TRIP10: variants seen among roughly 807,000 people sequenced by gnomAD.
TRIP10 encodes thyroid hormone receptor interactor 10.
A neutral mutation model predicts 80.9 loss-of-function variants in TRIP10; 54 were observed. That is an observed-to-expected ratio of 0.67 (90% CI 0.54 to 0.84). The LOEUF is 0.84. Ranked by LOEUF, TRIP10 falls within the 40% of genes least tolerant of loss-of-function variation. The pLI is 0.00. For missense variants in TRIP10, 773 were observed against 815.3 expected (o/e 0.95, Z 0.63); for synonymous variants, 321 against 307.2 (o/e 1.04, Z -0.47).
Position 6,739,750 on chromosome 19 carries a change from G to T in TRIP10, c.-12G>T, listed in dbSNP as rs993271038. The T allele has an allele frequency of 7.1e-7, 1 of 1,400,476 alleles. No homozygotes were observed. The highest frequency in any genetic ancestry group is 9.3e-7 in the Non-Finnish European group (1 of 1,070,264). The allele number at this position is 1,400,476 out of a possible 1,614,324, so 86.8% of individuals were successfully genotyped here. A position where few individuals can be genotyped will look rare whatever the true frequency, so the allele number is the denominator to read the frequency against. Reference sequence around the variant, plus strand: ...GTGCGGTGGTGGCTGCGGCGGCGGCGGCGGGAGCAGCATGGATTGGGGCAC... The same window carrying T: ...GTGCGGTGGTGGCTGCGGCGGCGGCTGCGGGAGCAGCATGGATTGGGGCAC... On this transcript the variant is annotated 5_prime_UTR_variant, in exon 1 of 15. Coordinates refer to ENST00000313244, the MANE Select transcript of TRIP10 (RefSeq NM_001288962.2).
Position 6,746,290 on chromosome 19 carries a change from G to A in TRIP10, c.1152+94G>A, listed in dbSNP as rs976875574. On this transcript the variant is annotated intron_variant, in intron 10 of 14. Transcript: ENST00000313244. The surrounding 1 kb of genome is among the most constrained non-coding windows in gnomAD (Gnocchi z 6.2). ...GGGCTCGCTTCCTGCCGCTGGCTGG[G>A]CCCCTCTTCCCTGGTTGCCCAACCC... 16 of 1,485,532 alleles carry A rather than the reference G, an allele frequency of 1.1e-5. No homozygotes were observed. Among genetic ancestry groups the A allele is most frequent in the South Asian group, 1.3e-5 (1 of 74,192 alleles). The allele number at this position is 1,485,532 out of a possible 1,614,324, so 92.0% of individuals were successfully genotyped here.
At position 6,751,431 on chromosome 19, in the gene TRIP10, C is replaced by A; in HGVS notation, c.*220C>A. ...CATTGATGTACATACTCATGTTTTA[C>A]ATCTTTTCTTTCTGCCGCTCGGCTC... On this transcript the variant is annotated 3_prime_UTR_variant, in exon 15 of 15. Coordinates refer to ENST00000313244, the MANE Select transcript of TRIP10 (RefSeq NM_001288962.2). The A allele has an allele frequency of 8.8e-7, 1 of 1,140,308 alleles. No individual in the cohort carries two copies. The highest frequency in any genetic ancestry group is 1.1e-6 in the Non-Finnish European group (1 of 882,982). 70.6% of individuals were successfully genotyped at this position (1,140,308 alleles called of 1,614,324 possible). A position where few individuals can be genotyped will look rare whatever the true frequency, so the allele number is the denominator to read the frequency against.
rs758513208 is a variant in TRIP10 at position 6,751,309 on chromosome 19, C to T, written c.*98C>T. 8.3e-5 allele frequency: 131 copies of T among 1,582,892 alleles called. No individual in the cohort carries two copies. The highest frequency in any genetic ancestry group is 7.0e-5 in the Non-Finnish European group (81 of 1,161,788). Reference sequence around the variant, plus strand: ...CACTTTATTTCTGACCCCGTGGCTTCGGCTGAGACCTGTGTAACCTGCTGC... The same window carrying T: ...CACTTTATTTCTGACCCCGTGGCTTTGGCTGAGACCTGTGTAACCTGCTGC... On this transcript the variant is annotated 3_prime_UTR_variant, in exon 15 of 15. Coordinates refer to ENST00000313244, the MANE Select transcript of TRIP10 (RefSeq NM_001288962.2).
chr19:6,748,500 C>T (rs148859003), intron 11 of TRIP10: 1 of 152,104 alleles, frequency 6.6e-6, no homozygotes, highest in Non-Finnish European at 1.5e-5. Context: ...GGTATTAGAA[C>T]TGGAATGAAG....
chr19:6,750,714 G>A, intron 14 of TRIP10, 81 bp downstream of exon 14: 1 of 1,566,922 alleles, frequency 6.4e-7, no homozygotes, highest in Non-Finnish European at 8.7e-7. Flanking sequence ...GCCTAAAGCA[G>A]GGCTGGGCGG....
Position 6,751,160 on chromosome 19 carries a change from G to A in TRIP10, c.1755G>A (p.Glu585=), listed in dbSNP as rs1399160058. ...GCTGGACCCGGGTCAGGCGGAAAGA[G>A]GGAGGCGAGGGCTACGTGCCCACCT... is the stretch of plus-strand genomic sequence containing the variant. The part of the protein sequence containing the change: ...GDGWTRVRRK[E]GGEGYVPTSY... Residue 585 remains glutamate (E), a synonymous_variant, in exon 15 of 15, where the codon GAG becomes GAA. Transcript: ENST00000313244. 6.2e-7 allele frequency: 1 copy of A among 1,613,748 alleles called. No individual in the cohort carries two copies. Among genetic ancestry groups the A allele is most frequent in the South Asian group, 1.1e-5 (1 of 91,046 alleles).
In TRIP10 at chr19:6,745,637, T is replaced by C; in HGVS notation, c.985-392T>C. The C allele has an allele frequency of 1.0e-6, 1 of 985,298 alleles. No homozygotes were observed. Among genetic ancestry groups the C allele is most frequent in the Non-Finnish European group, 1.2e-6 (1 of 829,912 alleles). 61.0% of individuals were successfully genotyped at this position (985,298 alleles called of 1,614,324 possible). A position where few individuals can be genotyped will look rare whatever the true frequency, so the allele number is the denominator to read the frequency against. ...TGATTCCTGCATGCGTCTTCTAGAC[T>C]GTCAGCCCAGAAAGCTAAGTGGACA... On this transcript the variant is annotated intron_variant, in intron 9 of 14. Coordinates refer to ENST00000313244, the MANE Select transcript of TRIP10 (RefSeq NM_001288962.2). The surrounding 1 kb of genome is among the most constrained non-coding windows in gnomAD (Gnocchi z 7.2).
In TRIP10 at chr19:6,746,154, A is replaced by G. The variant is rs1428410246; in HGVS notation, c.1110A>G (p.Lys370=). ...TGAGCGAGATCAGTAAGTCGGTCAA[A>G]CCGAGGCTAGCATCCTTCCGCAGCC... The part of the protein sequence containing the change: ...AILSEISKSV[K]PRLASFRSLR... The change falls in exon 10 of 15, where the codon AAA becomes AAG. Residue 370 remains lysine, a synonymous_variant. Coordinates refer to ENST00000313244, the MANE Select transcript of TRIP10 (RefSeq NM_001288962.2). The surrounding 1 kb of genome is among the most constrained non-coding windows in gnomAD (Gnocchi z 6.2). 1.3e-6 allele frequency: 2 copies of G among 1,547,022 alleles called. No homozygotes were observed. The highest frequency in any genetic ancestry group is 2.5e-5 in the East Asian group (1 of 40,774).
rs775982848 is a variant in TRIP10, at chr19:6,751,346, C to A, written c.*135C>A. The A allele has an allele frequency of 1.3e-6, 2 of 1,488,292 alleles. No homozygotes were observed. The highest frequency in any genetic ancestry group is 2.5e-5 in the East Asian group (1 of 40,096). The allele number at this position is 1,488,292 out of a possible 1,614,324, so 92.2% of individuals were successfully genotyped here. A position where few individuals can be genotyped will look rare whatever the true frequency, so the allele number is the denominator to read the frequency against. ...GTGTAACCTGCTGCCCCCTCCACCC[C>A]CAACCCAGTCCTACCTGTCACACCG... On this transcript the variant is annotated 3_prime_UTR_variant, in exon 15 of 15. Coordinates refer to ENST00000313244, the MANE Select transcript of TRIP10 (RefSeq NM_001288962.2).
In TRIP10 at chr19:6,745,742, G is replaced by A. The variant is rs1336334297; in HGVS notation, c.985-287G>A. 36 of 985,036 alleles carry A rather than the reference G, an allele frequency of 3.7e-5. No homozygotes were observed. Among genetic ancestry groups the A allele is most frequent in the Non-Finnish European group, 4.1e-5 (34 of 829,906 alleles). 61.0% of individuals were successfully genotyped at this position (985,036 alleles called of 1,614,324 possible). On this transcript the variant is annotated intron_variant, in intron 9 of 14. Coordinates refer to ENST00000313244, the MANE Select transcript of TRIP10 (RefSeq NM_001288962.2). The surrounding 1 kb of genome is among the most constrained non-coding windows in gnomAD (Gnocchi z 7.2). Reference sequence around the variant, plus strand: ...TTCCAGAGACCTAGGAGATACCGGGGGAGTGAGAGTTCTGGCTTTCGGGCT... The same window carrying A: ...TTCCAGAGACCTAGGAGATACCGGGAGAGTGAGAGTTCTGGCTTTCGGGCT...
chr19:6,747,827 G>A (rs540274119), intron 11 of TRIP10, among the ~76,000 whole-genome samples: 12 of 151,530 alleles, frequency 7.9e-5, no homozygotes, highest in Admixed American at 3.9e-4. Flanking sequence ...TACATTAGCC[G>A]AGCACAGTGG....
At position 6,746,383 on chromosome 19, in the gene TRIP10, T is replaced by TCAGACGGGTG. The variant is rs1259125907; in HGVS notation, c.1153-64_1153-55dup. On this transcript the variant is annotated intron_variant, in intron 10 of 14. Transcript: ENST00000313244. The surrounding 1 kb of genome is among the most constrained non-coding windows in gnomAD (Gnocchi z 6.2). ...TGGCTGGGGAAGGGAGTGAAATATC[T>TCAGACGGGTG]CAGACGGGTGCAGAGTCTGGCAGGC... 6.3e-7 allele frequency: 1 copy of TCAGACGGGTG among 1,585,918 alleles called. No homozygotes were observed. The highest frequency in any genetic ancestry group is 8.6e-7 in the Non-Finnish European group (1 of 1,159,690).
At position 6,744,563 on chromosome 19, in the gene TRIP10, G is replaced by T; in HGVS notation, c.652G>T (p.Asp218Tyr). The T allele has an allele frequency of 1.2e-6, 2 of 1,614,120 alleles. No individual in the cohort carries two copies. The highest frequency in any genetic ancestry group is 1.1e-5 in the South Asian group (1 of 91,080). Residue 218 changes from aspartate to tyrosine, a missense_variant, in exon 8 of 15, where the codon GAC (aspartate) becomes TAC (tyrosine). By Grantham distance (160) the Asp-to-Tyr change is radical. Coordinates refer to ENST00000313244, the MANE Select transcript of TRIP10 (RefSeq NM_001288962.2). The surrounding 1 kb of genome is among the most constrained non-coding windows in gnomAD (Gnocchi z 4.9). Reference sequence around the variant, plus strand: ...GTCCCTGTCCTTACAGAAGCTCCAAGACATGGATGAACGCAGGGCCACCCG... The same window carrying T: ...GTCCCTGTCCTTACAGAAGCTCCAATACATGGATGAACGCAGGGCCACCCG... ...QMPQIFDKLQ[D>Y]MDERRATRLG...
chr19:6,745,112 C>G lies in TRIP10; in HGVS notation c.984+118C>G. The G allele has an allele frequency of 1.5e-6, 2 of 1,354,020 alleles. No individual in the cohort carries two copies. Among genetic ancestry groups the G allele is most frequent in the Non-Finnish European group, 2.0e-6 (2 of 1,024,346 alleles). The allele number at this position is 1,354,020 out of a possible 1,614,324, so 83.9% of individuals were successfully genotyped here. ...CCGAGTCTCGGGCAGGAATTTTCCT[C>G]TTGGCTGCCAGCCCGGACTGGAGGG... is the stretch of plus-strand genomic sequence containing the variant. On this transcript the variant is annotated intron_variant, in intron 9 of 14. Transcript: ENST00000313244. The surrounding 1 kb of genome is among the most constrained non-coding windows in gnomAD (Gnocchi z 7.2).
At position 6,746,299 on chromosome 19, in the gene TRIP10, C is replaced by G; in HGVS notation, c.1152+103C>G. On this transcript the variant is annotated intron_variant, in intron 10 of 14. Transcript: ENST00000313244. This position sits in a 1 kb window ranked among gnomAD's most constrained non-coding sequence, Gnocchi z 6.2. ...TCCTGCCGCTGGCTGGGCCCCTCTT[C>G]CCTGGTTGCCCAACCCAGACCTGCT... 1.3e-6 allele frequency: 2 copies of G among 1,490,084 alleles called. No individual in the cohort carries two copies. The highest frequency in any genetic ancestry group is 2.7e-5 in the South Asian group (2 of 74,926). The allele number at this position is 1,490,084 out of a possible 1,614,324, so 92.3% of individuals were successfully genotyped here. A position where few individuals can be genotyped will look rare whatever the true frequency, so the allele number is the denominator to read the frequency against.
rs549502761 is a variant in TRIP10 at position 6,745,747 on chromosome 19, G to C, written c.985-282G>C. The stretch of plus-strand genomic sequence containing the variant: ...GAGACCTAGGAGATACCGGGGGAGT[G>C]AGAGTTCTGGCTTTCGGGCTTACAG... On this transcript the variant is annotated intron_variant, in intron 9 of 14. Transcript: ENST00000313244. This position sits in a 1 kb window ranked among gnomAD's most constrained non-coding sequence, Gnocchi z 7.2. 7 of 985,184 alleles carry C rather than the reference G, an allele frequency of 7.1e-6. No homozygotes were observed. The Admixed American group carries it at 3.7e-4, about 52-fold the overall frequency. The allele number at this position is 985,184 out of a possible 1,614,324, so 61.0% of individuals were successfully genotyped here. A position where few individuals can be genotyped will look rare whatever the true frequency, so the allele number is the denominator to read the frequency against.
Position 6,744,464 on chromosome 19 carries a change from G to C in TRIP10, c.643-90G>C. 1 of 1,564,944 alleles carries C rather than the reference G, an allele frequency of 6.4e-7. No homozygotes were observed. The highest frequency in any genetic ancestry group is 1.2e-5 in the South Asian group (1 of 86,532). On this transcript the variant is annotated intron_variant, in intron 7 of 14. Transcript: ENST00000313244. This position sits in a 1 kb window ranked among gnomAD's most constrained non-coding sequence, Gnocchi z 4.9. The stretch of plus-strand genomic sequence containing the variant: ...AGACTGGCTTGGGGCTGGGGCCAGC[G>C]TGGAGCGCGATCATATTTGCAGAGT...
Position 6,740,848 on chromosome 19 carries a change from T to C in TRIP10, c.25-162T>C, listed in dbSNP as rs920121102. The stretch of plus-strand genomic sequence containing the variant: ...GGAAGGGGAGGGGGTTCCCGCCAGT[T>C]TCCTGCCTCCCCCCGCGCCACGCCG... On this transcript the variant is annotated intron_variant, in intron 1 of 14. Transcript: ENST00000313244. 26 of 610,146 alleles carry C rather than the reference T, an allele frequency of 4.3e-5. 1 individual carries two copies. In the South Asian group the frequency reaches 5.2e-4, roughly 12 times the overall value. The allele number at this position is 610,146 out of a possible 1,614,324, so 37.8% of individuals were successfully genotyped here.
chr19:6,743,312 G>T, intron 5 of TRIP10, 56 bp downstream of exon 5: 3 of 1,601,988 alleles, frequency 1.9e-6, no homozygotes, highest in Non-Finnish European at 2.6e-6. Context: ...GCAGGGTTGC[G>T]GATCCGGAGT....
Sources: allele counts gnomAD v4.1 joint callset (sites outside exome capture counted in the v4.1 genomes callset), GRCh38; gene constraint gnomAD v4.1.1; non-coding constraint Gnocchi (gnomAD v3.1); transcripts MANE v1.5; gene names NCBI Gene and HGNC (gene_info 2026-07-23, HGNC 2026-07-21).